ADCY5: variants seen among roughly 807,000 people sequenced by gnomAD.
ADCY5 encodes adenylate cyclase 5, also known as adenylate cyclase type 5.
ADCY5 carries 30 observed loss-of-function variants against 119.7 expected under a neutral mutation model. The observed-to-expected ratio is 0.25, with a 90% CI of 0.19 to 0.34. The LOEUF is 0.34. Ranked by LOEUF, ADCY5 falls within the 10% of genes least tolerant of loss-of-function variation. The probability of loss-of-function intolerance (pLI) is 1.00; values close to 1 mark genes in which losing one functional copy is unlikely to be tolerated. For synonymous variants in ADCY5, 753 were observed against 762.2 expected (o/e 0.99, Z 0.20); for missense variants, 1,324 against 1,775.2 (o/e 0.75, Z 4.57).
At chr3:123,304,729 C>T (rs1940105014) in intron 12 of ADCY5, among the ~76,000 whole-genome samples, 1 of 152,066 alleles carries the variant, frequency 6.6e-6, no homozygotes, top group African/African-American at 2.4e-5. Context: ...TCCTTAGCAC[C>T]AAGCTCCAAG....
intron 1 of ADCY5, among the ~76,000 whole-genome samples, chr3:123,424,233 C>T (rs1048282284): frequency 1.1e-4 from 16 of 152,348 alleles, no homozygotes; most frequent in African/African-American, 2.4e-5. Flanking sequence ...GCTGCCCCTC[C>T]GCTCAGGCCT....
At chr3:123,419,208 C>T in intron 1 of ADCY5, 1 of 985,474 alleles carries the variant, frequency 1.0e-6, no homozygotes, top group Non-Finnish European at 1.2e-6. Context: ...CTCCATGCAT[C>T]TGACGAGCAC....
chr3:123,401,857 C>T (rs976531981), intron 1 of ADCY5, among the ~76,000 whole-genome samples: 1 of 152,120 alleles, frequency 6.6e-6, no homozygotes, highest in Non-Finnish European at 1.5e-5. Context: ...TAGAAATATA[C>T]CGAAAGACTC....
chr3:123,405,435 A>G (rs1247495288), intron 1 of ADCY5, among the ~76,000 whole-genome samples: 2 of 152,098 alleles, frequency 1.3e-5, no homozygotes, highest in African/African-American at 4.8e-5. Context: ...ACCGGCACAG[A>G]GAGGACTGAA....
intron 1 of ADCY5, among the ~76,000 whole-genome samples, chr3:123,408,338 GT>G (rs78020745): frequency 9.5e-6 from 1 of 105,126 alleles, no homozygotes; most frequent in Non-Finnish European, 2.1e-5. Flanking sequence ...CAAATGTTAC[GT>G]TTTTTGTTTT....
chr3:123,396,128 G>A (rs1263613148), intron 1 of ADCY5, among the ~76,000 whole-genome samples: 1 of 135,308 alleles, frequency 7.4e-6, no homozygotes, highest in Non-Finnish European at 1.6e-5. Context: ...GAGAGGGCAA[G>A]AGAGGGAAAA....
At chr3:123,438,571 C>T (rs570966933) in intron 1 of ADCY5, among the ~76,000 whole-genome samples, 3 of 152,318 alleles carry the variant, frequency 2.0e-5, no homozygotes, top group South Asian at 2.1e-4. Context: ...AGCAGATCCA[C>T]GCTGTACATG....
Position 123,447,421 on chromosome 3 carries a change from C to A in ADCY5, c.1125G>T (p.Leu375=), listed in dbSNP as rs757560312. The A allele has an allele frequency of 7.6e-6, 12 of 1,577,772 alleles. No individual in the cohort carries two copies. The East Asian group carries it at 2.3e-4, about 30-fold the overall frequency. Residue 375 remains leucine, a synonymous_variant, in exon 1 of 21, where the codon CTG becomes CTT. Transcript: ENST00000462833. ...ALRTNAQDQF[L]LKQLVSNVLI... is the part of the protein sequence containing the mutation. ...CCAGGTCGGCCCCTACCTGCTTCAG[C>A]AGGAACTGGTCCTGGGCGTTGGTGC...
chr3:123,289,904 G>A lies in ADCY5; in HGVS notation c.3378C>T (p.Gly1126=). The A allele has an allele frequency of 6.2e-7, 1 of 1,614,228 alleles. No homozygotes were observed. Among genetic ancestry groups the A allele is most frequent in the Non-Finnish European group, 8.5e-7 (1 of 1,180,034 alleles). Residue 1126 remains glycine, a synonymous_variant, in exon 19 of 21, where the codon GGC becomes GGT. Coordinates refer to ENST00000462833, the MANE Select transcript of ADCY5 (RefSeq NM_183357.3). The part of the protein sequence containing the change: ...FRQLEKIKTI[G]STYMAASGLN... Reference sequence around the variant, plus strand: ...GGCCGGAGGCAGCCATGTAGGTGCTGCCGATGGTCTTGATCTTCTCCAGCT... The same window carrying A: ...GGCCGGAGGCAGCCATGTAGGTGCTACCGATGGTCTTGATCTTCTCCAGCT...
At chr3:123,437,221 C>T (rs111942915) in intron 1 of ADCY5, among the ~76,000 whole-genome samples, 17 of 152,266 alleles carry the variant, frequency 1.1e-4, no homozygotes, top group African/African-American at 3.8e-4. Context: ...CCCCCAACCC[C>T]GAGGTCAAAC....
intron 1 of ADCY5, among the ~76,000 whole-genome samples, chr3:123,433,275 C>T (rs2107647823): frequency 6.6e-6 from 1 of 152,316 alleles, no homozygotes; most frequent in South Asian, 2.1e-4. Context: ...TGTCCCTCTG[C>T]AGCCTGCTCA....
intron 3 of ADCY5, among the ~76,000 whole-genome samples, chr3:123,341,569 T>G (rs1264742964): frequency 1.3e-5 from 2 of 152,068 alleles, no homozygotes; most frequent in Non-Finnish European, 2.9e-5. Flanking sequence ...TGATGGTGGT[T>G]GCACAACAAT....
intron 12 of ADCY5, among the ~76,000 whole-genome samples, chr3:123,305,470 G>C (rs940837715): frequency 1.4e-4 from 22 of 152,290 alleles, no homozygotes; most frequent in Middle Eastern, 3.4e-3. Context: ...CCTTGGTCCA[G>C]TGTTCTTCAG....
chr3:123,405,281 G>T (rs1045050610), intron 1 of ADCY5, among the ~76,000 whole-genome samples: 4 of 152,210 alleles, frequency 2.6e-5, no homozygotes, highest in Non-Finnish European at 5.9e-5. Context: ...CTTGCCCCGC[G>T]GACTCCCTTG....
rs1013517199 is a variant in ADCY5 at position 123,373,837 on chromosome 3, C to T, written c.1135-21256G>A. 4.8e-5 allele frequency among the ~76,000 whole-genome samples: 7 copies of T among 145,106 alleles called. No individual in the cohort carries two copies. The East Asian group carries it at 1.2e-3, about 26-fold the overall frequency. ...ATAGGCTCTGGGCTGGAGCTTTACT[C>T]CCATTTCTACCACAGGGTGATTTGG... On this transcript the variant is annotated intron_variant, in intron 1 of 20. Coordinates refer to ENST00000462833, the MANE Select transcript of ADCY5 (RefSeq NM_183357.3).
intron 12 of ADCY5, among the ~76,000 whole-genome samples, chr3:123,308,972 C>T (rs1426455561): frequency 6.6e-6 from 1 of 152,242 alleles, no homozygotes; most frequent in Non-Finnish European, 1.5e-5. Context: ...TCACTTAATG[C>T]TTGCTCGCAA....
At chr3:123,380,337 C>A (rs1943990347) in intron 1 of ADCY5, among the ~76,000 whole-genome samples, 2 of 152,246 alleles carry the variant, frequency 1.3e-5, no homozygotes, top group East Asian at 1.9e-4. Flanking sequence ...TCCCCCACAA[C>A]CAAGCCCTGA....
rs1942883069 is a variant in ADCY5 at position 123,352,699 on chromosome 3, A to C, written c.1135-118T>G. 2 of 1,248,682 alleles carry C rather than the reference A, an allele frequency of 1.6e-6. No homozygotes were observed. The highest frequency in any genetic ancestry group is 1.5e-5 in the African/African-American group (1 of 66,356). The allele number at this position is 1,248,682 out of a possible 1,614,324, so 77.4% of individuals were successfully genotyped here. On this transcript the variant is annotated intron_variant, in intron 1 of 20. Transcript: ENST00000462833. This position sits in a 1 kb window ranked among gnomAD's most constrained non-coding sequence, Gnocchi z 4.8. ...ACCTGGCGCTAGCAAACAAATGCTG[A>C]GGGCACCCCACACGCGGCCAACCAC...
rs1467901023 is a variant in ADCY5 at position 123,339,907 on chromosome 3, G to GT, written c.1407-7233_1407-7232insA. 8.5e-5 allele frequency among the ~76,000 whole-genome samples: 13 copies of GT among 152,268 alleles called. No homozygotes were observed. In the East Asian group the frequency reaches 2.5e-3, roughly 29 times the overall value. Reference sequence around the variant, plus strand: ...GACCTAGCAATAGTTAGTGACCTCAGGGGGGAGTCTATGAGTGCTTTTTCT... The same window carrying GT: ...GACCTAGCAATAGTTAGTGACCTCAGTGGGGGAGTCTATGAGTGCTTTTTCT... On this transcript the variant is annotated intron_variant, in intron 3 of 20. Coordinates refer to ENST00000462833, the MANE Select transcript of ADCY5 (RefSeq NM_183357.3).
Sources: gnomAD v4.1 joint callset for allele counts (sites outside exome capture counted in the v4.1 genomes callset) on GRCh38, gnomAD v4.1.1 for gene constraint, Gnocchi (gnomAD v3.1) non-coding constraint, MANE v1.5 for transcripts, NCBI Gene and HGNC (gene_info 2026-07-23, HGNC 2026-07-21) for gene names.